Variants in SHANK2 observed in about 807,000 individuals in gnomAD.
The protein encoded by SHANK2 is SH3 and multiple ankyrin repeat domains 2.
A neutral mutation model predicts 133.7 loss-of-function variants in SHANK2; 43 were observed. The ratio of observed to expected loss-of-function variants is 0.32; its 90% confidence interval spans 0.25 to 0.41. The LOEUF is 0.41. SHANK2 is among the 10% of genes least tolerant of loss of function. SHANK2 has a pLI of 1.00. For missense variants in SHANK2, 1,994 were observed against 2,235.8 expected (o/e 0.89, Z 2.18); for synonymous variants, 1,017 against 952.8 (o/e 1.07, Z -1.24).
At position 70,472,677 on chromosome 11, in the gene SHANK2, C is replaced by T; in HGVS notation, c.*192G>A. The T allele has an allele frequency of 1.6e-6, 1 of 632,796 alleles. No homozygotes were observed. Among genetic ancestry groups the T allele is most frequent in the Middle Eastern group, 4.1e-4 (1 of 2,428 alleles). The allele number at this position is 632,796 out of a possible 1,614,324, so 39.2% of individuals were successfully genotyped here. A position where few individuals can be genotyped will look rare whatever the true frequency, so the allele number is the denominator to read the frequency against. On this transcript the variant is annotated 3_prime_UTR_variant, in exon 26 of 26. Transcript: ENST00000601538. This position sits in a 1 kb window ranked among gnomAD's most constrained non-coding sequence, Gnocchi z 4.4. ...TGTGTGATAGAAACTGCCCAAGACA[C>T]CCACATGGTGAGCCAGGGGTCTGAA...
At chr11:70,727,017 A>G (rs899759770) in intron 14 of SHANK2, among the ~76,000 whole-genome samples, 16 of 152,226 alleles carry the variant, frequency 1.1e-4, no homozygotes, top group Non-Finnish European at 1.5e-5. Context: ...TCCCTGCAGA[A>G]CCCACCCTAA....
At chr11:71,064,534 G>A (rs1951023776) in intron 9 of SHANK2, among the ~76,000 whole-genome samples, 1 of 152,178 alleles carries the variant, frequency 6.6e-6, no homozygotes, top group Non-Finnish European at 1.5e-5. Context: ...CAGCAGGGGA[G>A]GGATGAAGAA....
chr11:70,817,036 C>T (rs1203606953), intron 12 of SHANK2, among the ~76,000 whole-genome samples: 2 of 152,178 alleles, frequency 1.3e-5, no homozygotes, highest in Non-Finnish European at 2.9e-5. Context: ...GACACTTCTG[C>T]CCCCCGAATG....
chr11:70,863,747 T>A, intron 11 of SHANK2: 1 of 446,372 alleles, frequency 2.2e-6, no homozygotes. Flanking sequence ...CTACAGAGAG[T>A]CTTTAAAGTG....
intron 3 of SHANK2, among the ~76,000 whole-genome samples, chr11:71,128,029 T>C (rs1344721784): frequency 6.6e-6 from 1 of 152,210 alleles, no homozygotes; most frequent in African/African-American, 2.4e-5. Context: ...GTCATCTCCC[T>C]GGCCTCCTGC....
chr11:70,881,577 A>G (rs1338276312), intron 11 of SHANK2, among the ~76,000 whole-genome samples: 7 of 145,686 alleles, frequency 4.8e-5, no homozygotes, highest in Non-Finnish European at 9.0e-5. Context: ...AATAATATTA[A>G]TAATAATAAT....
At chr11:71,133,675 T>C (rs1453230067) in intron 3 of SHANK2, among the ~76,000 whole-genome samples, 1 of 151,994 alleles carries the variant, frequency 6.6e-6, no homozygotes, top group Non-Finnish European at 1.5e-5. Flanking sequence ...GGAGTCAGTG[T>C]TGGGCCACAC....
intron 17 of SHANK2, among the ~76,000 whole-genome samples, chr11:70,546,097 A>ATTTTTTTTTTTTTTTT (rs57144719): frequency 3.6e-5 from 5 of 137,514 alleles, no homozygotes; most frequent in East Asian, 2.0e-4. Context: ...TATTTATTTA[A>ATTTTTTTTTTTTTTTT]TTTTTTTTTT....
chr11:70,581,721 T>C (rs1345185992), intron 17 of SHANK2, among the ~76,000 whole-genome samples: 1 of 151,714 alleles, frequency 6.6e-6, no homozygotes, highest in Non-Finnish European at 1.5e-5. Context: ...TCAAGCTAGC[T>C]AGCTGAAGGC....
At chr11:70,495,430 G>A (rs1044814799) in intron 21 of SHANK2, among the ~76,000 whole-genome samples, 2 of 152,214 alleles carry the variant, frequency 1.3e-5, no homozygotes, top group Admixed American at 6.5e-5. Context: ...TCCTCTGGCC[G>A]GCTGTGATGT....
chr11:70,742,595 G>C (rs569023296), intron 14 of SHANK2, among the ~76,000 whole-genome samples: 1 of 152,072 alleles, frequency 6.6e-6, no homozygotes, highest in Non-Finnish European at 1.5e-5. Context: ...CCCCCCACCC[G>C]GCTCTGCCAT....
intron 17 of SHANK2, among the ~76,000 whole-genome samples, chr11:70,503,466 G>A (rs1006572028): frequency 1.3e-5 from 2 of 152,144 alleles, no homozygotes; most frequent in Non-Finnish European, 2.9e-5. Context: ...CTGCTCTCCC[G>A]CTCCAGAGGC....
At chr11:70,886,867 C>A (rs1949754770) in intron 11 of SHANK2, among the ~76,000 whole-genome samples, 1 of 152,060 alleles carries the variant, frequency 6.6e-6, no homozygotes, top group Non-Finnish European at 1.5e-5. Flanking sequence ...TAATCAGGCA[C>A]CCAAACTCAC....
intron 11 of SHANK2, among the ~76,000 whole-genome samples, chr11:70,874,167 TCTAC>T (rs1232734230): frequency 1.3e-5 from 2 of 152,128 alleles, no homozygotes; most frequent in African/African-American, 2.4e-5. Context: ...ATCTAATCTA[TCTAC>T]CTACCTACCT....
At chr11:70,565,215 TCATCCATCCATC>T (rs56072142) in intron 17 of SHANK2, among the ~76,000 whole-genome samples, 2 of 149,122 alleles carry the variant, frequency 1.3e-5, no homozygotes, top group African/African-American at 2.5e-5. Context: ...GGAAGCAGTT[TCATCCATCCATC>T]CATCCATCCA....
intron 11 of SHANK2, chr11:70,865,105 A>AT (rs1555068734): frequency 6.6e-6 from 1 of 152,054 alleles, no homozygotes; most frequent in African/African-American, 2.4e-5. Context: ...ATAAATATGT[A>AT]TTTTTTACGA....
chr11:70,538,315 G>A (rs556386708), intron 17 of SHANK2, among the ~76,000 whole-genome samples: 2 of 152,388 alleles, frequency 1.3e-5, no homozygotes, highest in Admixed American at 1.3e-4. Context: ...GTGACCCGGA[G>A]GGACCAGGGG....
intron 17 of SHANK2, among the ~76,000 whole-genome samples, chr11:70,517,517 A>G (rs2059280323): frequency 6.6e-6 from 1 of 152,216 alleles, no homozygotes; most frequent in Non-Finnish European, 1.5e-5. Flanking sequence ...AAAACGGAAT[A>G]TTAGTTAGCA....
intron 11 of SHANK2, among the ~76,000 whole-genome samples, chr11:70,861,888 A>C (rs1949264131): frequency 6.6e-6 from 1 of 152,160 alleles, no homozygotes; most frequent in African/African-American, 2.4e-5. Context: ...CAAAGCAGAG[A>C]TGTGATCAGT....
Sources: allele counts gnomAD v4.1 joint callset (sites outside exome capture counted in the v4.1 genomes callset), GRCh38; gene constraint gnomAD v4.1.1; non-coding constraint Gnocchi (gnomAD v3.1); transcripts MANE v1.5; gene names NCBI Gene and HGNC (gene_info 2026-07-23, HGNC 2026-07-21).